DLGAP2: variants seen among roughly 807,000 people sequenced by gnomAD.
The protein encoded by DLGAP2 is DLG associated protein 2, also known as disks large-associated protein 2.
DLGAP2 carries 26 observed loss-of-function variants against 100.3 expected under a neutral mutation model. The ratio of observed to expected loss-of-function variants is 0.26; its 90% CI spans 0.19 to 0.36. The LOEUF (loss-of-function observed/expected upper bound fraction) is 0.36, where lower values mean the gene tolerates loss of function less well. DLGAP2 is among the 10% of genes least tolerant of loss of function. The probability of loss-of-function intolerance (pLI) is 1.00; values close to 1 mark genes in which losing one functional copy is unlikely to be tolerated. For missense variants in DLGAP2, 1,858 were observed against 1,453.2 expected (o/e 1.28, Z -4.53); for synonymous variants, 886 against 630.1 (o/e 1.41, Z -6.08).
intron 2 of DLGAP2, chr8:1,002,058 C>T (rs1386784090): frequency 6.6e-6 from 1 of 152,228 alleles, no homozygotes; most frequent in African/African-American, 2.4e-5. Flanking sequence ...ACATAGATTT[C>T]CTCAATTGTC....
intron 3 of DLGAP2, among the ~76,000 whole-genome samples, chr8:1,443,544 T>C (rs763649570): frequency 1.3e-5 from 2 of 152,152 alleles, no homozygotes; most frequent in Non-Finnish European, 1.5e-5. Flanking sequence ...AAGACAAACC[T>C]GAGACTGGGT....
intron 3 of DLGAP2, among the ~76,000 whole-genome samples, chr8:1,343,503 C>G (rs79318425): frequency 0.1 from 15,188 of 152,198 alleles, 954 homozygotes; most frequent in Middle Eastern, 0.2. Flanking sequence ...CCACATGGCC[C>G]AGGGCCCAGG....
At chr8:1,208,355 AAAG>A (rs1798038742) in intron 2 of DLGAP2, among the ~76,000 whole-genome samples, 1 of 152,136 alleles carries the variant, frequency 6.6e-6, no homozygotes, top group Admixed American at 6.6e-5. Context: ...TTGGTTTGTT[AAAG>A]ATCAGTTGGC....
Position 1,548,738 on chromosome 8 carries a change from C to T in DLGAP2, c.285C>T (p.Ser95=), listed in dbSNP as rs747865604. The T allele has an allele frequency of 1.7e-5, 27 of 1,606,434 alleles. No individual in the cohort carries two copies. The highest frequency in any genetic ancestry group is 2.2e-5 in the East Asian group (1 of 44,672). The change falls in exon 5 of 15, where the codon TCC becomes TCT. Residue 95 remains serine, a synonymous_variant. Coordinates refer to ENST00000637795, the MANE Select transcript of DLGAP2 (RefSeq NM_001346810.2). ...GTCGGACCCAGCCGCCGCTGTGTTC[C>T]GGGCACACGTGTGGTCTGGCGCCCC... ...SGSRTQPPLC[S]GHTCGLAPPE...
chr8:888,726 G>A (rs1288714636), intron 1 of DLGAP2, among the ~76,000 whole-genome samples: 36 of 151,894 alleles, frequency 2.4e-4, no homozygotes, highest in Admixed American at 2.2e-3. Context: ...CAGGGAGGCT[G>A]GAGAACAGCC....
intron 2 of DLGAP2, among the ~76,000 whole-genome samples, chr8:1,156,621 G>GCTCCAGCCCAGCA (rs1563220024): frequency 1.3e-5 from 2 of 149,194 alleles, no homozygotes; most frequent in Non-Finnish European, 3.0e-5. Flanking sequence ...CCAGCCCAGC[G>GCTCCAGCCCAGCA]CCCCAGCCCA....
chr8:1,623,780 C>T (rs746679897), intron 6 of DLGAP2, among the ~76,000 whole-genome samples: 1 of 152,242 alleles, frequency 6.6e-6, no homozygotes, highest in Admixed American at 6.5e-5. Flanking sequence ...CTAATGTAAA[C>T]ATTAAATGTG....
chr8:1,470,007 A>AC (rs1798734020), intron 3 of DLGAP2, among the ~76,000 whole-genome samples: 1 of 151,064 alleles, frequency 6.6e-6, no homozygotes, highest in African/African-American at 2.4e-5. Flanking sequence ...AAAAAAGAAA[A>AC]AAAAATTAGC....
intron 2 of DLGAP2, among the ~76,000 whole-genome samples, chr8:1,118,119 G>T (rs1795937147): frequency 6.6e-6 from 1 of 152,232 alleles, no homozygotes; most frequent in Admixed American, 6.5e-5. Context: ...TGACAGAGGA[G>T]CGGGCGGAGT....
At chr8:922,861 C>T (rs1308445027) in intron 2 of DLGAP2, among the ~76,000 whole-genome samples, 1 of 152,162 alleles carries the variant, frequency 6.6e-6, no homozygotes, top group Non-Finnish European at 1.5e-5. Flanking sequence ...AATGTGCAGG[C>T]ATCTTAAGCA....
intron 3 of DLGAP2, among the ~76,000 whole-genome samples, chr8:1,341,578 C>A (rs1314675716): frequency 6.6e-6 from 1 of 152,212 alleles, no homozygotes; most frequent in Admixed American, 6.5e-5. Context: ...ATGACTGTGG[C>A]TGACCCCGTA....
chr8:1,075,523 G>T (rs2600495), intron 2 of DLGAP2, among the ~76,000 whole-genome samples: 3,481 of 152,212 alleles, frequency 0.023, 124 homozygotes, highest in African/African-American at 0.08. Context: ...ATCCCCTGCA[G>T]GGGAGATGGG....
At chr8:1,314,886 GA>G (rs1800694771) in intron 3 of DLGAP2, among the ~76,000 whole-genome samples, 1 of 152,182 alleles carries the variant, frequency 6.6e-6, no homozygotes. Flanking sequence ...AAACCTTTTT[GA>G]AGAAAAATAC....
At chr8:1,128,831 T>C (rs1386605471) in intron 2 of DLGAP2, among the ~76,000 whole-genome samples, 1 of 152,222 alleles carries the variant, frequency 6.6e-6, no homozygotes, top group Non-Finnish European at 1.5e-5. Context: ...TGTAAAGTGT[T>C]GGAAGTCTGT....
At chr8:1,412,490 C>T (rs1796760538) in intron 3 of DLGAP2, among the ~76,000 whole-genome samples, 1 of 152,220 alleles carries the variant, frequency 6.6e-6, no homozygotes, top group South Asian at 2.1e-4. Flanking sequence ...CCCACTGCTG[C>T]TACTTGACCT....
chr8:1,275,294 T>A (rs1799659644), intron 3 of DLGAP2, among the ~76,000 whole-genome samples: 1 of 151,910 alleles, frequency 6.6e-6, no homozygotes, highest in Non-Finnish European at 1.5e-5. Flanking sequence ...GCATCGTAGC[T>A]TACTAGATGC....
intron 2 of DLGAP2, among the ~76,000 whole-genome samples, chr8:1,093,431 C>A (rs966573135): frequency 7.2e-6 from 1 of 139,678 alleles, no homozygotes; most frequent in African/African-American, 2.7e-5. Flanking sequence ...ACCTTCACAC[C>A]GACAGTCAGA....
At chr8:1,111,276 C>A (rs999753806) in intron 2 of DLGAP2, among the ~76,000 whole-genome samples, 1 of 152,196 alleles carries the variant, frequency 6.6e-6, no homozygotes, top group African/African-American at 2.4e-5. Context: ...ATCGTCTTCC[C>A]TCAGCTCCCG....
chr8:1,333,022 G>A (rs1163378095), intron 3 of DLGAP2, among the ~76,000 whole-genome samples: 1 of 152,140 alleles, frequency 6.6e-6, no homozygotes, highest in Non-Finnish European at 1.5e-5. Flanking sequence ...CATCAGGGCA[G>A]GGGCAGCCCT....
Sources: gnomAD v4.1 joint callset for allele counts (sites outside exome capture counted in the v4.1 genomes callset) on GRCh38, gnomAD v4.1.1 for gene constraint, MANE v1.5 for transcripts, NCBI Gene and HGNC (gene_info 2026-07-23, HGNC 2026-07-21) for gene names.